ADCY2: variants seen among roughly 807,000 people sequenced by gnomAD.
ADCY2 encodes adenylate cyclase 2, also known as adenylate cyclase type 2.
A neutral mutation model predicts 125.2 loss-of-function variants in ADCY2; 31 were observed. That is an observed-to-expected ratio of 0.25 (90% confidence interval 0.19 to 0.33). ADCY2 has a LOEUF of 0.33. Among genes scored for constraint, ADCY2 ranks in the 10% least tolerant of loss-of-function variants. The pLI is 1.00. For missense variants in ADCY2, 904 were observed against 1,418.2 expected (o/e 0.64, Z 5.82); for synonymous variants, 512 against 548.4 (o/e 0.93, Z 0.93).
Position 7,396,323 on chromosome 5 carries a change from C to T in ADCY2, c.27C>T (p.Arg9=). The T allele has an allele frequency of 6.8e-7, 1 of 1,481,094 alleles. No homozygotes were observed. The highest frequency in any genetic ancestry group is 9.0e-7 in the Non-Finnish European group (1 of 1,114,250). 91.7% of individuals were successfully genotyped at this position (1,481,094 alleles called of 1,614,324 possible). Residue 9 remains arginine (R), a synonymous_variant, in exon 1 of 25, where the codon CGC becomes CGT. Coordinates refer to ENST00000338316, the MANE Select transcript of ADCY2 (RefSeq NM_020546.3). This position sits in a 1 kb window ranked among gnomAD's most constrained non-coding sequence, Gnocchi z 5.7. Reference sequence around the variant, plus strand: ...TGTGGCAGGAGGCGATGCGGCGCCGCCGCTACCTGCGGGACCGCTCCGAGG... The same window carrying T: ...TGTGGCAGGAGGCGATGCGGCGCCGTCGCTACCTGCGGGACCGCTCCGAGG... MWQEAMRR[R]RYLRDRSEEA...
chr5:7,752,858 C>T (rs555672137), intron 15 of ADCY2, among the ~76,000 whole-genome samples: 7 of 149,150 alleles, frequency 4.7e-5, no homozygotes, highest in South Asian at 4.2e-4. Flanking sequence ...CCCCACTGCT[C>T]GTTGTCCCCA....
At chr5:7,738,593 T>C (rs1742317501) in intron 14 of ADCY2, among the ~76,000 whole-genome samples, 2 of 151,908 alleles carry the variant, frequency 1.3e-5, no homozygotes, top group Non-Finnish European at 2.9e-5. Flanking sequence ...AAGGACTAAA[T>C]ACTCCAAAGG....
intron 2 of ADCY2, among the ~76,000 whole-genome samples, chr5:7,446,220 CT>C (rs1478970201): frequency 6.6e-6 from 1 of 152,000 alleles, no homozygotes; most frequent in African/African-American, 2.4e-5. Context: ...TGTTAAATGC[CT>C]TTTGATGTTT....
At chr5:7,685,735 G>T (rs1407824908) in intron 4 of ADCY2, among the ~76,000 whole-genome samples, 1 of 152,198 alleles carries the variant, frequency 6.6e-6, no homozygotes, top group African/African-American at 2.4e-5. Context: ...TTGGAGACGT[G>T]GAGCCTGCTG....
chr5:7,478,347 A>G (rs993503573), intron 2 of ADCY2, among the ~76,000 whole-genome samples: 2 of 152,216 alleles, frequency 1.3e-5, no homozygotes, highest in Non-Finnish European at 1.5e-5. Flanking sequence ...GAAGCAGCAT[A>G]TGAGGAAATG....
intron 21 of ADCY2, among the ~76,000 whole-genome samples, chr5:7,803,335 T>C (rs894897966): frequency 1.3e-5 from 2 of 152,178 alleles, no homozygotes; most frequent in African/African-American, 4.8e-5. Flanking sequence ...AATTATTAGA[T>C]ATGTAATCCT....
At chr5:7,806,934 A>C (rs1744776539) in intron 22 of ADCY2, among the ~76,000 whole-genome samples, 1 of 152,058 alleles carries the variant, frequency 6.6e-6, no homozygotes, top group African/African-American at 2.4e-5. Context: ...TCTCCTTCTG[A>C]AGTTTCTCTC....
intron 3 of ADCY2, among the ~76,000 whole-genome samples, chr5:7,530,759 C>T (rs1734612462): frequency 6.6e-6 from 1 of 152,058 alleles, no homozygotes; most frequent in Non-Finnish European, 1.5e-5. Flanking sequence ...ATGTACCTTC[C>T]TAGCCTTGTC....
chr5:7,462,040 C>T (rs540258369), intron 2 of ADCY2, among the ~76,000 whole-genome samples: 13 of 152,254 alleles, frequency 8.5e-5, no homozygotes, highest in African/African-American at 1.9e-4. Flanking sequence ...TGAGGATGAA[C>T]GCTTTTCCTG....
Position 7,826,763 on chromosome 5 carries a change from G to A in ADCY2, c.3168G>A (p.Thr1056=), listed in dbSNP as rs750235029. Reference sequence around the variant, plus strand: ...TCGTCCTGCAGACCCTCGGATACACGTGCACCTGTCGAGGAATAATCAACG... The same window carrying A: ...TCGTCCTGCAGACCCTCGGATACACATGCACCTGTCGAGGAATAATCAACG... ...TSLVLQTLGY[T]CTCRGIINVK... is the part of the protein sequence containing the mutation. Residue 1056 remains threonine (T), a synonymous_variant, in exon 25 of 25, where the codon ACG becomes ACA. Coordinates refer to ENST00000338316, the MANE Select transcript of ADCY2 (RefSeq NM_020546.3). 12 of 1,613,940 alleles carry A rather than the reference G, an allele frequency of 7.4e-6. No individual in the cohort carries two copies. The East Asian group carries it at 1.1e-4, about 15-fold the overall frequency.
intron 2 of ADCY2, among the ~76,000 whole-genome samples, chr5:7,465,433 A>G (rs1035829827): frequency 1.3e-5 from 2 of 152,102 alleles, no homozygotes; most frequent in Non-Finnish European, 2.9e-5. Context: ...CCAGGCTGTT[A>G]GTTTCATTTT....
intron 4 of ADCY2, among the ~76,000 whole-genome samples, chr5:7,645,208 A>G (rs1047576238): frequency 3.3e-5 from 5 of 152,182 alleles, no homozygotes; most frequent in Admixed American, 6.6e-5. Flanking sequence ...GCATGTGCTT[A>G]TTAAAGATAT....
At chr5:7,458,220 T>C (rs1741778077) in intron 2 of ADCY2, among the ~76,000 whole-genome samples, 1 of 152,206 alleles carries the variant, frequency 6.6e-6, no homozygotes, top group Admixed American at 6.5e-5. Flanking sequence ...GAAAAATATA[T>C]TCTTAATTAA....
rs1560953613 is a variant in ADCY2 at position 7,757,574 on chromosome 5, CG to C, written c.2083del (p.Val695CysfsTer7). ...ITTAIILMMA[V>X]FNMFFLSDSE... is the part of the protein sequence containing the mutation. ...CCACAGCCATCATATTAATGATGGC[CG>C]TGTTCAACATGGTAAGTCCCAGAGC... On this transcript the variant is annotated frameshift_variant, in exon 16 of 25. Coordinates refer to ENST00000338316, the MANE Select transcript of ADCY2 (RefSeq NM_020546.3). LOFTEE classifies it high-confidence loss of function. 1 of 1,564,874 alleles carries C rather than the reference CG, an allele frequency of 6.4e-7. No individual in the cohort carries two copies.
At chr5:7,785,340 C>T (rs1292315544) in intron 19 of ADCY2, among the ~76,000 whole-genome samples, 3 of 152,134 alleles carry the variant, frequency 2.0e-5, no homozygotes, top group African/African-American at 7.2e-5. Context: ...GCCAGCAGTC[C>T]GGGACAACTG....
At chr5:7,519,943 A>G (rs1744383054) in intron 2 of ADCY2, among the ~76,000 whole-genome samples, 1 of 152,154 alleles carries the variant, frequency 6.6e-6, no homozygotes, top group African/African-American at 2.4e-5. Flanking sequence ...TTATTCACTT[A>G]GCATGTTTTT....
chr5:7,656,274 G>A (rs1189577336), intron 4 of ADCY2, among the ~76,000 whole-genome samples: 1 of 152,032 alleles, frequency 6.6e-6, no homozygotes, highest in Non-Finnish European at 1.5e-5. Flanking sequence ...GGCTGGTCTC[G>A]AACTCCTGAC....
chr5:7,452,035 C>T (rs1286418061), intron 2 of ADCY2, among the ~76,000 whole-genome samples: 1 of 152,108 alleles, frequency 6.6e-6, no homozygotes, highest in Non-Finnish European at 1.5e-5. Flanking sequence ...CTCAGCCTCT[C>T]GAGTAGCTGG....
At chr5:7,431,210 G>C (rs956500556) in intron 2 of ADCY2, among the ~76,000 whole-genome samples, 1 of 152,168 alleles carries the variant, frequency 6.6e-6, no homozygotes, top group Non-Finnish European at 1.5e-5. Flanking sequence ...AGGCCAATGG[G>C]ATACACTAGA....
Sources: allele counts gnomAD v4.1 joint callset (sites outside exome capture counted in the v4.1 genomes callset), GRCh38; gene constraint gnomAD v4.1.1; non-coding constraint Gnocchi (gnomAD v3.1); transcripts MANE v1.5; gene names NCBI Gene and HGNC (gene_info 2026-07-23, HGNC 2026-07-21).